The following DGAT2 variants were observed in gnomAD, a reference collection of about 807,000 sequenced individuals.
DGAT2 encodes the protein diacylglycerol O-acyltransferase 2.
Under a neutral mutation model 48.4 loss-of-function variants are expected in DGAT2, and 33 were observed. The observed-to-expected ratio is 0.68, with a 90% CI of 0.52 to 0.91. The LOEUF is 0.91. Among genes scored for constraint, DGAT2 ranks in the 40% least tolerant of loss-of-function variants. The pLI is 0.00. For synonymous variants in DGAT2, 191 were observed against 194.1 expected, an observed-to-expected ratio of 0.98 and a Z score of 0.13; for missense variants, 446 against 493.7, an observed-to-expected ratio of 0.90 and a Z score of 0.92.
chr11:75,793,903 A>G (rs1219832578), intron 4 of DGAT2: 2 of 144,458 alleles, frequency 1.4e-5, no homozygotes, highest in African/African-American at 5.7e-5. Flanking sequence ...TAGGCAAAAC[A>G]TTGGAACAGC....
At position 75,769,129 on chromosome 11, in the gene DGAT2, A is replaced by G; in HGVS notation, c.121+17A>G. On this transcript the variant is annotated intron_variant, in intron 1 of 7. Coordinates refer to ENST00000228027, the MANE Select transcript of DGAT2 (RefSeq NM_032564.5). ...GGAGATGGGGTGAGTGCCACGGCGC[A>G]GGGGTTATGGACCTGCGAGAAGATT... 2 of 1,555,404 alleles carry G rather than the reference A, an allele frequency of 1.3e-6. No individual in the cohort carries two copies. The highest frequency in any genetic ancestry group is 1.7e-6 in the Non-Finnish European group (2 of 1,158,186).
chr11:75,793,007 T>C (rs913736032), intron 4 of DGAT2: 1 of 152,204 alleles, frequency 6.6e-6, no homozygotes, highest in African/African-American at 2.4e-5. Flanking sequence ...TCTGAATTTT[T>C]TCCTCTATGC....
intron 2 of DGAT2, among the ~76,000 whole-genome samples, chr11:75,785,248 G>A (rs1944909537): frequency 1.3e-5 from 2 of 152,196 alleles, no homozygotes; most frequent in South Asian, 4.1e-4. Flanking sequence ...TTGAGTGTGA[G>A]GAAAGTGCCT....
intron 6 of DGAT2, 33 bp downstream of exon 6, chr11:75,797,365 C>G: frequency 7.1e-7 from 1 of 1,409,698 alleles, no homozygotes; most frequent in Non-Finnish European, 9.3e-7. Flanking sequence ...ACACACCCCT[C>G]CAGTGCCCCT....
intron 4 of DGAT2, chr11:75,794,336 CT>C (rs1362988367): frequency 1.3e-5 from 2 of 152,242 alleles, no homozygotes; most frequent in Admixed American, 1.3e-4. Context: ...TGACATTCTG[CT>C]GGTGGCCAGT....
In DGAT2 at chr11:75,800,234, AT is replaced by A. The variant is rs1590878857; in HGVS notation, c.1013-117del. The A allele has an allele frequency of 5.6e-6, 7 of 1,247,032 alleles. No homozygotes were observed. In the East Asian group the frequency reaches 1.5e-4, roughly 27 times the overall value. The allele number at this position is 1,247,032 out of a possible 1,614,324, so 77.2% of individuals were successfully genotyped here. On this transcript the variant is annotated intron_variant, in intron 7 of 7. Transcript: ENST00000228027. ...CAACCAGAGATGCAGCACATAAAGCATTTGGCACAGTTCCTTCCACATGGCG... is the reference window on the plus strand; with the variant it reads ...CAACCAGAGATGCAGCACATAAAGCATTGGCACAGTTCCTTCCACATGGCG...
intron 1 of DGAT2, 129 bp from the exon 2 acceptor site, chr11:75,784,489 T>C: frequency 7.7e-7 from 1 of 1,295,350 alleles, no homozygotes; most frequent in Non-Finnish European, 1.1e-6. Flanking sequence ...TGAACCCAGG[T>C]CTGTCTGATT....
At chr11:75,778,380 C>T (rs749948011) in intron 1 of DGAT2, among the ~76,000 whole-genome samples, 6 of 152,144 alleles carry the variant, frequency 3.9e-5, no homozygotes, top group Non-Finnish European at 8.8e-5. Context: ...CATCACTCTG[C>T]GACCTCTTCT....
intron 1 of DGAT2, among the ~76,000 whole-genome samples, chr11:75,778,622 CAGG>C (rs1944827053): frequency 6.6e-6 from 1 of 152,048 alleles, no homozygotes; most frequent in Admixed American, 6.5e-5. Context: ...ATCACGAGAT[CAGG>C]AGATCGAGAC....
In DGAT2 at chr11:75,784,531, G is replaced by T. The variant is rs148830325; in HGVS notation, c.122-87G>T. 7.8e-4 allele frequency: 1,206 copies of T among 1,549,556 alleles called. 9 individuals carry two copies. In the African/African-American group the frequency reaches 0.014, roughly 18 times the overall value. On this transcript the variant is annotated intron_variant, in intron 1 of 7. Coordinates refer to ENST00000228027, the MANE Select transcript of DGAT2 (RefSeq NM_032564.5). ...CTGATGCTCTTCTCATATCTAGAAG[G>T]GTACCTGTGGGAGGTGAGGTTTGTA... is the stretch of plus-strand genomic sequence containing the variant.
intron 1 of DGAT2, among the ~76,000 whole-genome samples, chr11:75,775,256 CT>C (rs1944793454): frequency 6.6e-6 from 1 of 152,206 alleles, no homozygotes; most frequent in African/African-American, 2.4e-5. Context: ...CTTAGCGCCC[CT>C]GCAGGTCTAC....
At chr11:75,795,477 C>T (rs1945041003) in intron 4 of DGAT2, 2 of 152,322 alleles carry the variant, frequency 1.3e-5, no homozygotes, top group African/African-American at 4.8e-5. Flanking sequence ...GGTTTAGGGA[C>T]ACTGCATCAC....
intron 1 of DGAT2, among the ~76,000 whole-genome samples, chr11:75,780,569 C>T (rs1411907341): frequency 3.9e-5 from 6 of 152,180 alleles, no homozygotes; most frequent in Non-Finnish European, 1.5e-5. Flanking sequence ...TGCCACTCTA[C>T]CTGCTGTAGA....
At position 75,768,792 on chromosome 11, in the gene DGAT2, C is replaced by G. The variant is rs544401362; in HGVS notation, c.-200C>G. 5 of 549,890 alleles carry G rather than the reference C, an allele frequency of 9.1e-6. No homozygotes were observed. The East Asian group carries it at 1.4e-4, about 16-fold the overall frequency. 34.1% of individuals were successfully genotyped at this position (549,890 alleles called of 1,614,324 possible). A position where few individuals can be genotyped will look rare whatever the true frequency, so the allele number is the denominator to read the frequency against. ...GGGACGCCAGCGCCGCGGCTGCCGC[C>G]TCTGCTGGGGTCTAGGCTGTTTCTC... On this transcript the variant is annotated 5_prime_UTR_variant, in exon 1 of 8. Coordinates refer to ENST00000228027, the MANE Select transcript of DGAT2 (RefSeq NM_032564.5).
intron 1 of DGAT2, 155 bp from the exon 2 acceptor site, chr11:75,784,463 G>A (rs1944899737): frequency 2.1e-6 from 2 of 971,196 alleles, no homozygotes; most frequent in African/African-American, 1.6e-5. Flanking sequence ...AAGCCATGAG[G>A]TGGAGGGCTA....
chr11:75,793,118 G>A (rs753814509), intron 4 of DGAT2: 5 of 152,308 alleles, frequency 3.3e-5, no homozygotes, highest in South Asian at 2.1e-4. Flanking sequence ...TGACATTAGC[G>A]AGCAGGCCGG....
intron 1 of DGAT2, among the ~76,000 whole-genome samples, chr11:75,770,871 C>T (rs994458121): frequency 6.6e-6 from 1 of 151,988 alleles, no homozygotes; most frequent in Non-Finnish European, 1.5e-5. Context: ...AAATGCAAAC[C>T]AGTCAGTTCA....
chr11:75,778,821 G>A (rs1048584357), intron 1 of DGAT2, among the ~76,000 whole-genome samples: 5 of 145,508 alleles, frequency 3.4e-5, no homozygotes, highest in Middle Eastern at 6.8e-3. Flanking sequence ...GCGACAGATC[G>A]GGACTCCGTC....
chr11:75,798,127 G>C (rs1339549068), intron 6 of DGAT2, 100 bp from the exon 7 acceptor site: 2 of 1,240,192 alleles, frequency 1.6e-6, no homozygotes, highest in South Asian at 1.3e-5. Context: ...ACACCCAGCT[G>C]GGGGAGGGGG....
Sources: gnomAD v4.1 joint callset for allele counts (sites outside exome capture counted in the v4.1 genomes callset) on GRCh38, gnomAD v4.1.1 for gene constraint, MANE v1.5 for transcripts, NCBI Gene and HGNC (gene_info 2026-07-23, HGNC 2026-07-21) for gene names.